Variants in HMGXB3 observed in about 807,000 individuals in gnomAD.
HMGXB3 encodes HMG-box containing 3.
A neutral mutation model predicts 121.5 loss-of-function variants in HMGXB3; 45 were observed. The ratio of observed to expected loss-of-function variants is 0.37; its 90% confidence interval spans 0.29 to 0.47. The LOEUF is 0.47. HMGXB3 is among the 20% of genes least tolerant of loss of function. The pLI, the probability that HMGXB3 is intolerant of heterozygous loss-of-function variation, is 0.99. For synonymous variants in HMGXB3, 590 were observed against 624.1 expected, an observed-to-expected ratio of 0.95 and a Z score of 0.81; for missense variants, 1,376 against 1,602.2, an observed-to-expected ratio of 0.86 and a Z score of 2.41.
Position 150,050,257 on chromosome 5 carries a change from C to A in HMGXB3, c.3207C>A (p.Val1069=). The change falls in exon 19 of 20, where the codon GTC becomes GTA. Residue 1069 remains valine, a synonymous_variant. Transcript: ENST00000502717. ...KIYKVCPHQV[V]CGSKYLVRGE... ...CCCCACCCTTCATCTCCCAGGTGGTCTGCGGCTCCAAGTATCTTGTGCGAG... is the reference window on the plus strand; with the variant it reads ...CCCCACCCTTCATCTCCCAGGTGGTATGCGGCTCCAAGTATCTTGTGCGAG... The A allele has an allele frequency of 6.4e-7, 1 of 1,551,866 alleles. No individual in the cohort carries two copies. The highest frequency in any genetic ancestry group is 8.7e-7 in the Non-Finnish European group (1 of 1,146,976).
At chr5:150,050,500 C>A in intron 19 of HMGXB3, 39 bp downstream of exon 19, 1 of 1,442,256 alleles carries the variant, frequency 6.9e-7, no homozygotes, top group Non-Finnish European at 9.5e-7. Context: ...TCTCCTCAAG[C>A]CTACCATGTC....
chr5:150,023,300 C>T lies in HMGXB3; in HGVS notation c.1042-962C>T, dbSNP rs146627698. On this transcript the variant is annotated intron_variant, in intron 6 of 19. Transcript: ENST00000502717. ...CCTACACACTATAGAATTAGGTCAC[C>T]CAAAATGCTGTCTGGCTCCTGTTGA... Among the ~76,000 whole-genome samples, 37 of 152,172 alleles carry T rather than the reference C, an allele frequency of 2.4e-4. No homozygotes were observed. In the East Asian group the frequency reaches 6.6e-3, roughly 27 times the overall value.
At chr5:150,021,484 C>G in intron 6 of HMGXB3, 1 of 266,560 alleles carries the variant, frequency 3.8e-6, no homozygotes, top group Non-Finnish European at 7.4e-6. Context: ...GAATGAAGCC[C>G]AACACAAATT....
At chr5:150,046,832 A>G (rs1756767836) in intron 16 of HMGXB3, among the ~76,000 whole-genome samples, 1 of 151,832 alleles carries the variant, frequency 6.6e-6, no homozygotes, top group Non-Finnish European at 1.5e-5. Flanking sequence ...AATAAATAAA[A>G]ATAAAAAGAT....
In HMGXB3 at chr5:150,010,724, AC is replaced by A. The variant is rs977900206; in HGVS notation, c.810+117del. ...AATCAAGAGTACTGGTGTGGCACTT[AC>A]TGATACTGCAGTTCTCTTGAATGTG... On this transcript the variant is annotated intron_variant, in intron 4 of 19. Coordinates refer to ENST00000502717, the MANE Select transcript of HMGXB3 (RefSeq NM_014983.3). 8.0e-6 allele frequency: 8 copies of A among 1,000,084 alleles called. No individual in the cohort carries two copies. The African/African-American group carries it at 1.3e-4, about 16-fold the overall frequency. The allele number at this position is 1,000,084 out of a possible 1,614,324, so 62.0% of individuals were successfully genotyped here.
intron 5 of HMGXB3, among the ~76,000 whole-genome samples, chr5:150,017,582 A>C (rs976949656): frequency 3.9e-5 from 6 of 152,176 alleles, no homozygotes; most frequent in Non-Finnish European, 8.8e-5. Context: ...ATACCACTTC[A>C]CGCTCATCCT....
At chr5:150,009,567 AG>A (rs879398396) in intron 3 of HMGXB3, among the ~76,000 whole-genome samples, 15 of 152,168 alleles carry the variant, frequency 9.9e-5, no homozygotes, top group Non-Finnish European at 2.1e-4. Flanking sequence ...AAAACCAGTG[AG>A]GTCAGAATGC....
intron 6 of HMGXB3, 31 bp downstream of exon 6, chr5:150,018,728 A>G: frequency 1.3e-6 from 2 of 1,534,426 alleles, no homozygotes; most frequent in Non-Finnish European, 1.8e-6. Context: ...CTGCTTTGGA[A>G]GCCTCACAGA....
chr5:150,018,743 A>T (rs980569726), intron 6 of HMGXB3, 46 bp downstream of exon 6: 73 of 1,496,698 alleles, frequency 4.9e-5, no homozygotes, highest in Non-Finnish European at 5.9e-5. Context: ...CACAGAATAG[A>T]CTTTCTGTTT....
chr5:150,042,882 T>A (rs1024864507), intron 15 of HMGXB3, among the ~76,000 whole-genome samples: 13 of 152,330 alleles, frequency 8.5e-5, no homozygotes, highest in African/African-American at 3.1e-4. Context: ...GTGGGCATGT[T>A]TCCCCAACTC....
chr5:150,036,525 C>T (rs1378880096), intron 11 of HMGXB3, 111 bp from the exon 12 acceptor site: 5 of 954,812 alleles, frequency 5.2e-6, no homozygotes, highest in Admixed American at 3.1e-5. Context: ...AGGTTTGCCA[C>T]CTATCAGTCA....
intron 5 of HMGXB3, among the ~76,000 whole-genome samples, chr5:150,018,214 A>C (rs1756003156): frequency 6.6e-6 from 1 of 152,246 alleles, no homozygotes; most frequent in East Asian, 1.9e-4. Flanking sequence ...AAACCTCAGT[A>C]GTAATAATAC....
chr5:150,005,941 G>A (rs928799221), intron 2 of HMGXB3, among the ~76,000 whole-genome samples: 1 of 152,162 alleles, frequency 6.6e-6, no homozygotes, highest in Non-Finnish European at 1.5e-5. Context: ...TGCACAAAAA[G>A]CGATCTTTAG....
In HMGXB3 at chr5:150,040,950, G is replaced by T; in HGVS notation, c.2545+71G>T. 2.2e-6 allele frequency: 3 copies of T among 1,366,460 alleles called. No homozygotes were observed. The South Asian group carries it at 4.5e-5, about 21-fold the overall frequency. The allele number at this position is 1,366,460 out of a possible 1,614,324, so 84.6% of individuals were successfully genotyped here. A position where few individuals can be genotyped will look rare whatever the true frequency, so the allele number is the denominator to read the frequency against. ...CTCGGAATTTTCAGTGATGGCATTT[G>T]GTTAAAAGACTCATTTTGAAGAAGA... is the stretch of plus-strand genomic sequence containing the variant. On this transcript the variant is annotated intron_variant, in intron 14 of 19. Coordinates refer to ENST00000502717, the MANE Select transcript of HMGXB3 (RefSeq NM_014983.3).
Position 150,030,760 on chromosome 5 carries a change from A to G in HMGXB3, c.1754A>G (p.Asn585Ser). Residue 585 changes from asparagine to serine, a missense_variant, in exon 10 of 20, where the codon AAC (asparagine) becomes AGC (serine). By Grantham distance (46) the Asn-to-Ser change is conservative. Transcript: ENST00000502717. ...GEVKLPSGPS[N>S]RTSQVKVVEV... The stretch of plus-strand genomic sequence containing the variant: ...CCACAGCTACCAAGTGGCCCATCCA[A>G]CAGGACTTCTCAGGTGAAAGTTGTG... 6.4e-7 allele frequency: 1 copy of G among 1,552,204 alleles called. No homozygotes were observed. The highest frequency in any genetic ancestry group is 8.7e-7 in the Non-Finnish European group (1 of 1,147,056).
At chr5:150,009,081 C>A (rs1013837844) in intron 3 of HMGXB3, among the ~76,000 whole-genome samples, 1 of 151,988 alleles carries the variant, frequency 6.6e-6, no homozygotes, top group African/African-American at 2.4e-5. Flanking sequence ...TTTAACTGTT[C>A]ACTTTGAACT....
chr5:150,007,719 GA>G (rs1435814578), intron 3 of HMGXB3, among the ~76,000 whole-genome samples: 1 of 152,056 alleles, frequency 6.6e-6, no homozygotes, highest in Non-Finnish European at 1.5e-5. Context: ...TGGAGTCTAA[GA>G]AAAGCTTATC....
At chr5:150,014,466 G>T (rs1431426638) in intron 5 of HMGXB3, among the ~76,000 whole-genome samples, 1 of 152,152 alleles carries the variant, frequency 6.6e-6, no homozygotes, top group Admixed American at 6.5e-5. Flanking sequence ...CGATACTTTC[G>T]ATAGGTACAG....
intron 7 of HMGXB3, among the ~76,000 whole-genome samples, chr5:150,025,930 A>C (rs866682071): frequency 1.4e-4 from 21 of 151,978 alleles, no homozygotes; most frequent in African/African-American, 5.1e-4. Flanking sequence ...TCCCGGGTCC[A>C]TGCCATTCTC....
Sources: gnomAD v4.1 joint callset for allele counts (sites outside exome capture counted in the v4.1 genomes callset) on GRCh38, gnomAD v4.1.1 for gene constraint, MANE v1.5 for transcripts, NCBI Gene and HGNC (gene_info 2026-07-23, HGNC 2026-07-21) for gene names.